Variants in CNTN4 observed in about 807,000 individuals in gnomAD.
CNTN4 encodes the protein contactin 4, also known as contactin-4.
A neutral mutation model predicts 122.5 loss-of-function variants in CNTN4; 77 were observed. That is an observed-to-expected ratio of 0.63 (90% CI 0.52 to 0.76). The LOEUF is 0.76. Ranked by LOEUF, CNTN4 falls within the 30% of genes least tolerant of loss-of-function variation. CNTN4 has a pLI of 0.00. For synonymous variants in CNTN4, 512 were observed against 447.0 expected, an observed-to-expected ratio of 1.15 and a Z score of -1.83; for missense variants, 1,256 against 1,259.1, an observed-to-expected ratio of 1.00 and a Z score of 0.04.
At chr3:2,859,969 A>C (rs1192142425) in intron 7 of CNTN4, among the ~76,000 whole-genome samples, 1 of 152,248 alleles carries the variant, frequency 6.6e-6, no homozygotes, top group Admixed American at 6.5e-5. Flanking sequence ...TTCAAGAGCC[A>C]TATACCTGAC....
At chr3:2,581,093 A>G (rs944657349) in intron 4 of CNTN4, among the ~76,000 whole-genome samples, 2 of 152,188 alleles carry the variant, frequency 1.3e-5, no homozygotes, top group African/African-American at 4.8e-5. Flanking sequence ...CTGGCAACTT[A>G]TTAGAAATGG....
intron 4 of CNTN4, among the ~76,000 whole-genome samples, chr3:2,639,849 G>C (rs1360291175): frequency 6.6e-6 from 1 of 152,176 alleles, no homozygotes; most frequent in African/African-American, 2.4e-5. Flanking sequence ...TTGAATGCTT[G>C]ACTGAATTGA....
intron 4 of CNTN4, among the ~76,000 whole-genome samples, chr3:2,720,871 A>G (rs114078800): frequency 0.025 from 3,798 of 152,328 alleles, 58 homozygotes; most frequent in Middle Eastern, 0.058. Flanking sequence ...CACAAAGTCT[A>G]AGTAACTCAC....
intron 2 of CNTN4, among the ~76,000 whole-genome samples, chr3:2,139,351 T>G (rs1164704192): frequency 6.6e-6 from 1 of 152,204 alleles, no homozygotes; most frequent in Admixed American, 6.5e-5. Flanking sequence ...AAATATTTTT[T>G]TCTTAAATAA....
chr3:2,980,290 A>G (rs112750625), intron 13 of CNTN4, among the ~76,000 whole-genome samples: 13,720 of 152,106 alleles, frequency 0.09, 1,568 homozygotes, highest in African/African-American at 0.26. Flanking sequence ...TCATGTCTGT[A>G]TTTGTACTAC....
chr3:2,394,022 A>C (rs1247813638), intron 3 of CNTN4, among the ~76,000 whole-genome samples: 1 of 152,176 alleles, frequency 6.6e-6, no homozygotes, highest in Non-Finnish European at 1.5e-5. Flanking sequence ...TACAAATAAG[A>C]AAAGTAAGAC....
chr3:2,440,602 A>G (rs1270848822), intron 3 of CNTN4, among the ~76,000 whole-genome samples: 3 of 151,932 alleles, frequency 2.0e-5, no homozygotes, highest in Non-Finnish European at 2.9e-5. Flanking sequence ...TCTTTGAATG[A>G]TGGGGTATCT....
At chr3:2,621,111 A>G (rs190471739) in intron 4 of CNTN4, among the ~76,000 whole-genome samples, 210 of 152,164 alleles carry the variant, frequency 1.4e-3, no homozygotes, top group African/African-American at 4.9e-3. Context: ...TCCTGCAAAA[A>G]TCTTGGCATG....
intron 4 of CNTN4, among the ~76,000 whole-genome samples, chr3:2,682,351 C>T (rs1226924799): frequency 6.6e-6 from 1 of 152,146 alleles, no homozygotes; most frequent in Non-Finnish European, 1.5e-5. Flanking sequence ...TCACTAGGCT[C>T]TAGGTTACAA....
chr3:2,721,769 G>T (rs1039342761), intron 4 of CNTN4, among the ~76,000 whole-genome samples: 1 of 152,018 alleles, frequency 6.6e-6, no homozygotes, highest in Non-Finnish European at 1.5e-5. Context: ...TCTCAGAAAG[G>T]ACTTCACTGT....
At chr3:2,803,599 G>A (rs1449920330) in intron 6 of CNTN4, among the ~76,000 whole-genome samples, 13 of 148,274 alleles carry the variant, frequency 8.8e-5, no homozygotes, top group East Asian at 4.0e-4. Flanking sequence ...TCGCTCTGTC[G>A]CCCAGGCTGG....
intron 2 of CNTN4, among the ~76,000 whole-genome samples, chr3:2,255,613 T>G (rs577008016): frequency 3.3e-5 from 5 of 152,062 alleles, no homozygotes; most frequent in Non-Finnish European, 7.4e-5. Flanking sequence ...GCAATCAAAT[T>G]AGAACTCAGG....
chr3:2,690,550 C>T (rs1002117045), intron 4 of CNTN4, among the ~76,000 whole-genome samples: 15 of 152,102 alleles, frequency 9.9e-5, no homozygotes, highest in African/African-American at 3.6e-4. Context: ...GTTGCTGTTG[C>T]TGCCTTTACC....
At chr3:2,827,038 T>A (rs1435823881) in intron 7 of CNTN4, among the ~76,000 whole-genome samples, 1 of 152,166 alleles carries the variant, frequency 6.6e-6, no homozygotes, top group Non-Finnish European at 1.5e-5. Flanking sequence ...GCATTCTAAG[T>A]ATTGCTTAAG....
At chr3:2,599,875 G>C (rs1315089104) in intron 4 of CNTN4, among the ~76,000 whole-genome samples, 1 of 152,032 alleles carries the variant, frequency 6.6e-6, no homozygotes, top group Non-Finnish European at 1.5e-5. Context: ...CCTGAAGCTT[G>C]AGTTACTTAT....
intron 4 of CNTN4, among the ~76,000 whole-genome samples, chr3:2,674,305 A>G (rs900754684): frequency 1.3e-5 from 2 of 152,016 alleles, no homozygotes; most frequent in Non-Finnish European, 2.9e-5. Flanking sequence ...ATAATTGCAT[A>G]TATTTATGGG....
At chr3:2,166,819 A>G (rs556318392) in intron 2 of CNTN4, among the ~76,000 whole-genome samples, 68 of 152,284 alleles carry the variant, frequency 4.5e-4, no homozygotes, top group Middle Eastern at 3.4e-3. Context: ...ATATGCTTAT[A>G]TATTTAAAGA....
chr3:2,492,410 A>C (rs1559604011), intron 3 of CNTN4, among the ~76,000 whole-genome samples: 1 of 152,080 alleles, frequency 6.6e-6, no homozygotes, highest in Non-Finnish European at 1.5e-5. Context: ...ATTGGAACTG[A>C]GATGTCATAC....
rs185473570 is a variant in CNTN4 at position 2,413,651 on chromosome 3, C to T, written c.-89+74418C>T. ...CTCCACCTCTCAGGTTCAAGTGATT[C>T]TCCTGCCTCAGCCTCCCAAGTAGCT... On this transcript the variant is annotated intron_variant, in intron 3 of 24. Coordinates refer to ENST00000418658, the MANE Select transcript of CNTN4 (RefSeq NM_175607.3). 5.3e-3 allele frequency among the ~76,000 whole-genome samples: 805 copies of T among 151,262 alleles called. 6 individuals carry two copies. Among genetic ancestry groups the T allele is most frequent in the African/African-American group, 0.018 (751 of 40,742 alleles).
Sources: gnomAD v4.1 joint callset for allele counts (sites outside exome capture counted in the v4.1 genomes callset) on GRCh38, gnomAD v4.1.1 for gene constraint, MANE v1.5 for transcripts, NCBI Gene and HGNC (gene_info 2026-07-23, HGNC 2026-07-21) for gene names.